Variants in HIBADH observed in about 807,000 individuals in gnomAD.
HIBADH encodes 3-hydroxyisobutyrate dehydrogenase, also known as 3-hydroxyisobutyrate dehydrogenase, mitochondrial.
HIBADH carries 25 observed loss-of-function variants against 36.1 expected under a neutral mutation model. That is an observed-to-expected ratio of 0.69 (90% CI 0.50 to 0.97). The LOEUF (loss-of-function observed/expected upper bound fraction) is 0.97. Ranked by LOEUF, HIBADH falls within the 50% of genes least tolerant of loss-of-function variation. The pLI is 0.00. For missense variants in HIBADH, 421 were observed against 418.0 expected (o/e 1.01, Z -0.06); for synonymous variants, 160 against 149.5 (o/e 1.07, Z -0.51).
In HIBADH at chr7:27,580,988, C is replaced by T. The variant is rs1013303764; in HGVS notation, c.485-37888G>A. On this transcript the variant is annotated intron_variant, in intron 4 of 7. Transcript: ENST00000265395. ...AGGCGATCATGTGGAAGTTCTTTCA[C>T]GACTGTGTCTATTCTCAGTGAAAGT... Among the ~76,000 whole-genome samples, 5 of 152,094 alleles carry T rather than the reference C, an allele frequency of 3.3e-5. No individual in the cohort carries two copies. The East Asian group carries it at 7.7e-4, about 23-fold the overall frequency.
In HIBADH at chr7:27,662,794, G is replaced by C; in HGVS notation, c.-6C>G. 1.7e-5 allele frequency: 25 copies of C among 1,463,946 alleles called. No individual in the cohort carries two copies. Among genetic ancestry groups the C allele is most frequent in the Non-Finnish European group, 2.3e-5 (25 of 1,106,258 alleles). 90.7% of individuals were successfully genotyped at this position (1,463,946 alleles called of 1,614,324 possible). ...AGCCGTAAGGAGGCTGCCATGCTGC[G>C]CCCGCCCCTCTCCCCGCGGTGACCT... is the stretch of plus-strand genomic sequence containing the variant. On this transcript the variant is annotated 5_prime_UTR_variant, in exon 1 of 8. Transcript: ENST00000265395.
intron 4 of HIBADH, among the ~76,000 whole-genome samples, chr7:27,584,797 T>C (rs1583581885): frequency 6.6e-6 from 1 of 152,088 alleles, no homozygotes; most frequent in East Asian, 1.9e-4. Context: ...GAATGCTTTA[T>C]GTGTAGCTGT....
chr7:27,577,250 G>A (rs1470774202), intron 4 of HIBADH, among the ~76,000 whole-genome samples: 2 of 145,818 alleles, frequency 1.4e-5, no homozygotes, highest in Non-Finnish European at 1.5e-5. Flanking sequence ...CACAACCTCC[G>A]CCTCCCGGGT....
At chr7:27,624,095 C>T (rs1013568787) in intron 4 of HIBADH, among the ~76,000 whole-genome samples, 4 of 152,146 alleles carry the variant, frequency 2.6e-5, no homozygotes, top group African/African-American at 9.6e-5. Flanking sequence ...ACCGCATGCC[C>T]GGCCAAATTA....
intron 4 of HIBADH, among the ~76,000 whole-genome samples, chr7:27,605,902 C>T (rs1012796304): frequency 6.6e-5 from 10 of 152,104 alleles, no homozygotes; most frequent in African/African-American, 2.4e-4. Context: ...AAATTCTTAG[C>T]TGGACTTAGG....
chr7:27,571,453 G>A (rs1784627964), intron 4 of HIBADH, among the ~76,000 whole-genome samples: 2 of 152,130 alleles, frequency 1.3e-5, no homozygotes, highest in Admixed American at 6.5e-5. Flanking sequence ...TCAAACTCCT[G>A]ACCTCAGGTG....
chr7:27,633,395 C>T (rs765877222), intron 2 of HIBADH, among the ~76,000 whole-genome samples: 5 of 152,178 alleles, frequency 3.3e-5, no homozygotes, highest in Non-Finnish European at 7.3e-5. Context: ...CAATGACTCA[C>T]GCCTGTAATC....
intron 4 of HIBADH, among the ~76,000 whole-genome samples, chr7:27,620,423 C>T (rs1785517663): frequency 6.6e-6 from 1 of 151,848 alleles, no homozygotes; most frequent in East Asian, 1.9e-4. Flanking sequence ...TCGGCAGAAA[C>T]TTTATAGACC....
intron 4 of HIBADH, among the ~76,000 whole-genome samples, chr7:27,624,700 C>T (rs1169096769): frequency 6.6e-6 from 1 of 152,148 alleles, no homozygotes; most frequent in Non-Finnish European, 1.5e-5. Context: ...GTAGAATATG[C>T]ATTAAAGAAC....
At chr7:27,627,129 C>T (rs903250952) in intron 4 of HIBADH, among the ~76,000 whole-genome samples, 3 of 152,274 alleles carry the variant, frequency 2.0e-5, no homozygotes, top group East Asian at 3.9e-4. Flanking sequence ...AAGGGTCATG[C>T]GGCATGCTGA....
intron 6 of HIBADH, 96 bp downstream of exon 6, chr7:27,538,245 T>A (rs1262283104): frequency 2.2e-6 from 2 of 919,762 alleles, no homozygotes; most frequent in Non-Finnish European, 3.4e-6. Flanking sequence ...TTGGATCAAC[T>A]CATTTATCTC....
chr7:27,632,155 A>T (rs1785757480), intron 3 of HIBADH, among the ~76,000 whole-genome samples, 181 bp downstream of exon 3: 1 of 152,208 alleles, frequency 6.6e-6, no homozygotes. Context: ...ATTGTCACAT[A>T]CTTGACTTCA....
rs1786410627 is a variant in HIBADH, at chr7:27,661,237, C to T, written c.91+1461G>A. Among the ~76,000 whole-genome samples, 6 of 152,188 alleles carry T rather than the reference C, an allele frequency of 3.9e-5. No homozygotes were observed. In the South Asian group the frequency reaches 1.2e-3, roughly 32 times the overall value. Reference sequence around the variant, plus strand: ...TCACCGAGCCTCTGTTCTTCTCCAGCCAGAAAGGAAATTCAGAGGTTTCAC... The same window carrying T: ...TCACCGAGCCTCTGTTCTTCTCCAGTCAGAAAGGAAATTCAGAGGTTTCAC... On this transcript the variant is annotated intron_variant, in intron 1 of 7. Transcript: ENST00000265395.
chr7:27,638,813 TACAC>T (rs1201899503), intron 2 of HIBADH, among the ~76,000 whole-genome samples: 4 of 152,084 alleles, frequency 2.6e-5, no homozygotes, highest in African/African-American at 4.8e-5. Context: ...AAAAAAGACA[TACAC>T]ACAGTCAACA....
In HIBADH at chr7:27,645,050, A is replaced by G. The variant is rs74900232; in HGVS notation, c.252+4423T>C. Among the ~76,000 whole-genome samples, 979 of 152,298 alleles carry G rather than the reference A, an allele frequency of 6.4e-3. 7 individuals carry two copies. Among genetic ancestry groups the G allele is most frequent in the Middle Eastern group, 0.014 (4 of 294 alleles). ...TATGGATATAACACATTTTGTTTGG[A>G]CATTCTATCCGCTGATAGATTTTTG... On this transcript the variant is annotated intron_variant, in intron 2 of 7. Coordinates refer to ENST00000265395, the MANE Select transcript of HIBADH (RefSeq NM_152740.4).
intron 4 of HIBADH, among the ~76,000 whole-genome samples, chr7:27,615,608 T>C (rs1785411467): frequency 6.6e-6 from 1 of 152,172 alleles, no homozygotes; most frequent in South Asian, 2.1e-4. Flanking sequence ...GCACAATGCA[T>C]TATTCATGTT....
At chr7:27,625,469 GTTAAAC>G (rs2128293809) in intron 4 of HIBADH, among the ~76,000 whole-genome samples, 1 of 151,542 alleles carries the variant, frequency 6.6e-6, no homozygotes, top group Non-Finnish European at 1.5e-5. Context: ...AACATATGGA[GTTAAAC>G]TTAAAAAAAA....
chr7:27,570,230 A>G lies in HIBADH; in HGVS notation c.485-27130T>C, dbSNP rs1316029680. Among the ~76,000 whole-genome samples the G allele has an allele frequency of 2.0e-5, 3 of 147,408 alleles. No homozygotes were observed. The Admixed American group carries it at 2.3e-4, about 11-fold the overall frequency. On this transcript the variant is annotated intron_variant, in intron 4 of 7. Coordinates refer to ENST00000265395, the MANE Select transcript of HIBADH (RefSeq NM_152740.4). ...CACTCTGCCCAAGGTTTTTAGACACATTCAGTAGGAGAGAAAGGACAGTAT... is the reference window on the plus strand; with the variant it reads ...CACTCTGCCCAAGGTTTTTAGACACGTTCAGTAGGAGAGAAAGGACAGTAT...
chr7:27,654,238 G>A (rs1786252818), intron 1 of HIBADH, among the ~76,000 whole-genome samples: 1 of 152,170 alleles, frequency 6.6e-6, no homozygotes, highest in Admixed American at 6.5e-5. Flanking sequence ...TCAATAAGCT[G>A]TGAGACAGCT....
Sources: allele counts gnomAD v4.1 joint callset (sites outside exome capture counted in the v4.1 genomes callset), GRCh38; gene constraint gnomAD v4.1.1; transcripts MANE v1.5; gene names NCBI Gene and HGNC (gene_info 2026-07-23, HGNC 2026-07-21).